Variants in NRG3 observed in about 807,000 individuals in gnomAD.
NRG3 encodes the protein neuregulin 3.
In NRG3, 31 loss-of-function variants were observed where a neutral mutation model predicts 66.9. The observed-to-expected ratio is 0.46, with a 90% CI of 0.35 to 0.63. NRG3 has a LOEUF of 0.63. Among genes scored for constraint, NRG3 ranks in the 20% least tolerant of loss-of-function variants. The pLI is 0.00. For synonymous variants in NRG3, 393 were observed against 359.4 expected (o/e 1.09, Z -1.06); for missense variants, 910 against 878.9 (o/e 1.04, Z -0.45).
In NRG3 at chr10:82,762,069, T is replaced by C. The variant is rs186163003; in HGVS notation, c.1027+23419T>C. ...CTTTCTCTCTTTCTTTCTTTCTTTT[T>C]TTTTGATAGGACCTCACTCTGTTGC... On this transcript the variant is annotated intron_variant, in intron 3 of 8. Transcript: ENST00000372141. Among the ~76,000 whole-genome samples, 685 of 151,336 alleles carry C rather than the reference T, an allele frequency of 4.5e-3. 4 individuals carry two copies. Among genetic ancestry groups the C allele is most frequent in the African/African-American group, 0.016 (654 of 40,946 alleles).
chr10:82,626,206 A>G (rs2133674677), intron 2 of NRG3, among the ~76,000 whole-genome samples: 1 of 152,308 alleles, frequency 6.6e-6, no homozygotes, highest in East Asian at 1.9e-4. Context: ...GCACTTTTAT[A>G]GATGATCAAT....
rs573130080 is a variant in NRG3, at chr10:82,017,819, T to A, written c.823+141656T>A. On this transcript the variant is annotated intron_variant, in intron 1 of 8. Transcript: ENST00000372141. ...TTTTCTTGTAAATTTGTTTGAGTTCTTTGTAGATTCTGGATATTAGCCCTT... is the reference window on the plus strand; with the variant it reads ...TTTTCTTGTAAATTTGTTTGAGTTCATTGTAGATTCTGGATATTAGCCCTT... Among the ~76,000 whole-genome samples, 9 of 152,244 alleles carry A rather than the reference T, an allele frequency of 5.9e-5. No individual in the cohort carries two copies. The East Asian group carries it at 1.2e-3, about 20-fold the overall frequency.
intron 1 of NRG3, among the ~76,000 whole-genome samples, chr10:82,158,409 G>A (rs1004585430): frequency 6.6e-6 from 1 of 151,616 alleles, no homozygotes; most frequent in African/African-American, 2.4e-5. Context: ...CGGTGTATGT[G>A]CTCCTGTGAG....
chr10:81,991,371 A>G (rs1490336303), intron 1 of NRG3, among the ~76,000 whole-genome samples: 1 of 152,184 alleles, frequency 6.6e-6, no homozygotes, highest in Admixed American at 6.5e-5. Context: ...CTTGGCACCT[A>G]GTAAGCACTC....
intron 1 of NRG3, among the ~76,000 whole-genome samples, chr10:82,270,766 C>G (rs7358197): frequency 6.6e-6 from 1 of 152,096 alleles, no homozygotes; most frequent in Non-Finnish European, 1.5e-5. Context: ...ATATCATGGC[C>G]AGTGAGCAGT....
chr10:82,017,203 G>C (rs1011905752), intron 1 of NRG3, among the ~76,000 whole-genome samples: 7 of 152,014 alleles, frequency 4.6e-5, no homozygotes, highest in Admixed American at 1.3e-4. Flanking sequence ...TTTGTCCTTG[G>C]GATAGTTTGC....
At chr10:82,607,870 C>T (rs1361595830) in intron 2 of NRG3, among the ~76,000 whole-genome samples, 2 of 151,898 alleles carry the variant, frequency 1.3e-5, no homozygotes, top group African/African-American at 4.8e-5. Flanking sequence ...CAGAGAAGTC[C>T]CAGTCCCTCC....
Position 82,368,109 on chromosome 10 carries a change from T to G in NRG3, c.953+9241T>G, listed in dbSNP as rs138932627. Among the ~76,000 whole-genome samples the G allele has an allele frequency of 1.6e-3, 165 of 104,966 alleles. 31 individuals carry two copies. The East Asian group carries it at 0.047, about 30-fold the overall frequency. 68.9% of individuals were successfully genotyped at this position (104,966 alleles called of 152,430 possible). A position where few individuals can be genotyped will look rare whatever the true frequency, so the allele number is the denominator to read the frequency against. On this transcript the variant is annotated intron_variant, in intron 2 of 8. Transcript: ENST00000372141. ...ACAATATTACTACTTCCCAGGATTA[T>G]TTGAGGCTTGATATAGGTAAAGTTG... is the stretch of plus-strand genomic sequence containing the variant.
At chr10:82,208,559 G>C (rs772850290) in intron 1 of NRG3, among the ~76,000 whole-genome samples, 42 of 151,758 alleles carry the variant, frequency 2.8e-4, no homozygotes, top group Admixed American at 2.3e-3. Context: ...AAAAGAGCAC[G>C]AACAAAGACA....
chr10:82,307,482 G>C, intron 1 of NRG3, among the ~76,000 whole-genome samples: 2 of 152,244 alleles, frequency 1.3e-5, no homozygotes, highest in East Asian at 1.9e-4. Context: ...TCCAAGATTA[G>C]TATGATATTT....
intron 4 of NRG3, among the ~76,000 whole-genome samples, chr10:82,875,026 G>C (rs919457495): frequency 6.6e-6 from 1 of 152,150 alleles, no homozygotes; most frequent in South Asian, 2.1e-4. Flanking sequence ...TATATATTCA[G>C]AATTATAACT....
At chr10:82,092,382 CCACA>C (rs144173495) in intron 1 of NRG3, among the ~76,000 whole-genome samples, 1 of 151,468 alleles carries the variant, frequency 6.6e-6, no homozygotes, top group Non-Finnish European at 1.5e-5. Context: ...TCAACTGAAC[CCACA>C]CACACACACG....
chr10:82,659,461 G>T (rs1035393064), intron 2 of NRG3, among the ~76,000 whole-genome samples: 1 of 152,062 alleles, frequency 6.6e-6, no homozygotes, highest in African/African-American at 2.4e-5. Flanking sequence ...AGGCCACATG[G>T]TGAAACCCCA....
chr10:82,383,719 T>G (rs1392588015), intron 2 of NRG3, among the ~76,000 whole-genome samples: 1 of 152,052 alleles, frequency 6.6e-6, no homozygotes, highest in Admixed American at 6.6e-5. Flanking sequence ...AATCTGACAT[T>G]GTGATCTGTA....
intron 4 of NRG3, among the ~76,000 whole-genome samples, chr10:82,891,685 AT>A (rs1234070620): frequency 2.6e-5 from 4 of 152,030 alleles, no homozygotes; most frequent in African/African-American, 9.7e-5. Flanking sequence ...ATCTGAAGAT[AT>A]TTTTGGATTG....
chr10:82,374,988 C>T (rs144599974), intron 2 of NRG3, among the ~76,000 whole-genome samples: 1 of 152,312 alleles, frequency 6.6e-6, no homozygotes, highest in Non-Finnish European at 1.5e-5. Flanking sequence ...ATCTCATCCA[C>T]GATGGTTTTA....
chr10:82,642,610 A>G (rs1288123761), intron 2 of NRG3, among the ~76,000 whole-genome samples: 4 of 150,396 alleles, frequency 2.7e-5, no homozygotes, highest in Non-Finnish European at 5.9e-5. Context: ...CTCTACAAGG[A>G]GAAAAAAAAA....
Position 82,428,601 on chromosome 10 carries a change from A to G in NRG3, c.953+69733A>G, listed in dbSNP as rs1937980. On this transcript the variant is annotated intron_variant, in intron 2 of 8. Transcript: ENST00000372141. ...ACTTTGTATGATTTCAATATTTTTA[A>G]ATGCATAAATGTTTGATTTATGTCC... Among the ~76,000 whole-genome samples the G allele has an allele frequency of 4.1e-3, 625 of 152,118 alleles. 6 individuals are homozygous for G. Among genetic ancestry groups the G allele is most frequent in the African/African-American group, 0.015 (613 of 41,570 alleles).
At chr10:82,702,901 G>A (rs1173456272) in intron 2 of NRG3, among the ~76,000 whole-genome samples, 1 of 151,968 alleles carries the variant, frequency 6.6e-6, no homozygotes, top group Admixed American at 6.6e-5. Context: ...TATGATAACC[G>A]AGAAAAAAGT....
Sources: allele counts gnomAD v4.1 joint callset (sites outside exome capture counted in the v4.1 genomes callset), GRCh38; gene constraint gnomAD v4.1.1; transcripts MANE v1.5; gene names NCBI Gene and HGNC (gene_info 2026-07-23, HGNC 2026-07-21).